The following COL21A1 variants were observed in gnomAD, a reference collection of about 807,000 sequenced individuals.
COL21A1 encodes the protein collagen type XXI alpha 1 chain.
In COL21A1, 149 loss-of-function variants were observed where a neutral mutation model predicts 137.9. The observed-to-expected ratio is 1.08, with a 90% CI of 0.95 to 1.24. The LOEUF (loss-of-function observed/expected upper bound fraction) is 1.24. COL21A1 is among the 50% of genes most tolerant of loss of function. The pLI is 0.00. For synonymous variants in COL21A1, 456 were observed against 391.5 expected, an observed-to-expected ratio of 1.16 and a Z score of -1.95; for missense variants, 1,167 against 1,158.4, an observed-to-expected ratio of 1.01 and a Z score of -0.11.
intron 1 of COL21A1, among the ~76,000 whole-genome samples, chr6:56,260,689 A>AGGCAGGC (rs1763243715): frequency 2.9e-5 from 3 of 104,808 alleles, no homozygotes; most frequent in African/African-American, 1.3e-4. Context: ...GGAAGGAAGG[A>AGGCAGGC]AGGCAGGCAG....
chr6:56,162,730 A>G (rs560199913), intron 9 of COL21A1, among the ~76,000 whole-genome samples: 23 of 152,356 alleles, frequency 1.5e-4, no homozygotes, highest in African/African-American at 5.3e-4. Flanking sequence ...ACTTTTATGT[A>G]TAATATTCCA....
At position 56,141,944 on chromosome 6, in the gene COL21A1, A is replaced by G; in HGVS notation, c.1474T>C (p.Ser492Pro). 1 of 1,546,094 alleles carries G rather than the reference A, an allele frequency of 6.5e-7. No homozygotes were observed. Among genetic ancestry groups the G allele is most frequent in the Non-Finnish European group, 8.7e-7 (1 of 1,142,934 alleles). ...GGATCACATACTTGTATTCCTGGAG[A>G]TCCTGGAACACCTGGTGTCCCTGCA... Reference protein sequence around the residue: ...GIAGTPGVPGSPGIQGARGLP... With the variant: ...GIAGTPGVPGPPGIQGARGLP... Residue 492 changes from serine to proline, a missense_variant, in exon 11 of 30, where the codon TCT (serine) becomes CCT (proline). Transcript: ENST00000244728.
intron 16 of COL21A1, among the ~76,000 whole-genome samples, chr6:56,111,473 A>G (rs1771426475): frequency 6.6e-6 from 1 of 152,192 alleles, no homozygotes; most frequent in African/African-American, 2.4e-5. Context: ...AATATACCAT[A>G]GTAATATAAA....
chr6:56,183,316 A>C (rs973672415), intron 1 of COL21A1, among the ~76,000 whole-genome samples: 8 of 152,170 alleles, frequency 5.3e-5, no homozygotes, highest in Non-Finnish European at 1.0e-4. Flanking sequence ...AATTTAAAGA[A>C]ACCTAAAAGA....
chr6:56,198,190 T>C (rs1779157133), intron 1 of COL21A1, among the ~76,000 whole-genome samples: 1 of 151,388 alleles, frequency 6.6e-6, no homozygotes, highest in Non-Finnish European at 1.5e-5. Context: ...AAACAGAGAG[T>C]AGAATGTTGA....
chr6:56,268,116 T>C (rs2152331900), intron 1 of COL21A1, among the ~76,000 whole-genome samples: 1 of 152,204 alleles, frequency 6.6e-6, no homozygotes, highest in Non-Finnish European at 1.5e-5. Flanking sequence ...CAAGCGGAGA[T>C]GTGTGGTGAG....
intron 1 of COL21A1, among the ~76,000 whole-genome samples, chr6:56,355,427 CG>C (rs1765808137): frequency 6.6e-6 from 1 of 151,612 alleles, no homozygotes; most frequent in African/African-American, 2.4e-5. Context: ...AAGGGAGAGA[CG>C]GGGTGGGGGG....
intron 1 of COL21A1, among the ~76,000 whole-genome samples, chr6:56,332,686 GT>G (rs940271811): frequency 1.3e-5 from 2 of 149,426 alleles, no homozygotes; most frequent in East Asian, 2.0e-4. Context: ...TAGGTTATAT[GT>G]TTTTTTTTAA....
chr6:56,336,532 C>T (rs896551602), intron 1 of COL21A1, among the ~76,000 whole-genome samples: 1 of 151,966 alleles, frequency 6.6e-6, no homozygotes, highest in Non-Finnish European at 1.5e-5. Flanking sequence ...TATAAGCCAG[C>T]CTTAGAGATT....
chr6:56,378,021 G>T (rs757568125), intron 1 of COL21A1, among the ~76,000 whole-genome samples: 2 of 152,086 alleles, frequency 1.3e-5, no homozygotes, highest in South Asian at 4.1e-4. Flanking sequence ...AGCAGCATTC[G>T]TCACCTGCTA....
At chr6:56,118,975 T>C (rs1305194415) in intron 16 of COL21A1, among the ~76,000 whole-genome samples, 3 of 152,064 alleles carry the variant, frequency 2.0e-5, no homozygotes, top group African/African-American at 7.2e-5. Flanking sequence ...AGCATCATAC[T>C]GAATGGGGAC....
chr6:56,392,221 T>C (rs1368132760), intron 1 of COL21A1, among the ~76,000 whole-genome samples: 1 of 152,070 alleles, frequency 6.6e-6, no homozygotes, highest in Non-Finnish European at 1.5e-5. Flanking sequence ...TGATATATCA[T>C]ACCAACAGAA....
intron 12 of COL21A1, among the ~76,000 whole-genome samples, chr6:56,140,843 G>C (rs575247797): frequency 6.6e-6 from 1 of 152,222 alleles, no homozygotes; most frequent in South Asian, 2.1e-4. Flanking sequence ...TCTGAAAACA[G>C]AGACCTTGCA....
At chr6:56,233,209 C>T (rs1416077761) in intron 1 of COL21A1, among the ~76,000 whole-genome samples, 2 of 151,806 alleles carry the variant, frequency 1.3e-5, no homozygotes, top group Admixed American at 1.3e-4. Flanking sequence ...AAATAAGACA[C>T]TAATACATTG....
At position 56,378,282 on chromosome 6, in the gene COL21A1, C is replaced by T. The variant is rs556293411; in HGVS notation, c.-39+15689G>A. On this transcript the variant is annotated intron_variant, in intron 1 of 28. Coordinates refer to the COL21A1 transcript ENST00000370819. Reference sequence around the variant, plus strand: ...GAACTAAGCAGGCTCTTGGGGTCCCCGATCCCAGGACTCAGCTCTTGGATG... The same window carrying T: ...GAACTAAGCAGGCTCTTGGGGTCCCTGATCCCAGGACTCAGCTCTTGGATG... Among the ~76,000 whole-genome samples the T allele has an allele frequency of 3.9e-5, 6 of 152,194 alleles. No individual in the cohort carries two copies. The South Asian group carries it at 1.0e-3, about 26-fold the overall frequency.
chr6:56,230,629 T>G (rs1781503739), intron 1 of COL21A1, among the ~76,000 whole-genome samples: 1 of 151,894 alleles, frequency 6.6e-6, no homozygotes, highest in Admixed American at 6.6e-5. Flanking sequence ...TATTTTTTGA[T>G]GTTTAAGGGA....
At chr6:56,061,066 C>A (rs1482059264) in intron 25 of COL21A1, 29 bp from the exon 26 acceptor site, 12 of 1,558,000 alleles carry the variant, frequency 7.7e-6, no homozygotes, top group Middle Eastern at 3.5e-4. Context: ...TTTACAAGTT[C>A]TATTTAAATA....
intron 1 of COL21A1, among the ~76,000 whole-genome samples, chr6:56,330,322 A>G (rs1765189337): frequency 6.6e-6 from 1 of 152,132 alleles, no homozygotes. Flanking sequence ...AAACACAGAG[A>G]GAATACATTT....
intron 1 of COL21A1, among the ~76,000 whole-genome samples, chr6:56,369,979 G>A (rs894166836): frequency 1.3e-5 from 2 of 152,162 alleles, no homozygotes; most frequent in Non-Finnish European, 2.9e-5. Context: ...AACAGTTTAT[G>A]TTGAATGGTT....
Sources: allele counts gnomAD v4.1 joint callset (sites outside exome capture counted in the v4.1 genomes callset), GRCh38; gene constraint gnomAD v4.1.1; transcripts MANE v1.5; gene names NCBI Gene and HGNC (gene_info 2026-07-23, HGNC 2026-07-21).